ATAD2: variants seen among roughly 807,000 people sequenced by gnomAD.
ATAD2 encodes the protein ATPase family AAA domain containing 2.
A neutral mutation model predicts 168.9 loss-of-function variants in ATAD2; 62 were observed. That is an observed-to-expected ratio of 0.37 (90% CI 0.30 to 0.45). The LOEUF (loss-of-function observed/expected upper bound fraction) is 0.45, where lower values mean the gene tolerates loss of function less well. ATAD2 is among the 20% of genes least tolerant of loss of function. ATAD2 has a pLI of 1.00. For synonymous variants in ATAD2, 613 were observed against 571.6 expected (o/e 1.07, Z -1.03); for missense variants, 1,419 against 1,667.8 (o/e 0.85, Z 2.60).
chr8:123,400,477 C>T (rs561284958), upstream of ATAD2: 17 of 371,536 alleles, frequency 4.6e-5, no homozygotes, highest in Middle Eastern at 9.8e-4. The surrounding 1 kb of genome is among the most constrained non-coding windows in gnomAD (Gnocchi z 4.5). Context: ...CCAAACCATT[C>T]GGGGGAACAT....
At chr8:123,383,211 AGGAG>A (rs1829542161) in intron 1 of ATAD2, among the ~76,000 whole-genome samples, 1 of 152,142 alleles carries the variant, frequency 6.6e-6, no homozygotes, top group South Asian at 2.1e-4. Context: ...GGGGGGCATG[AGGAG>A]GGATAGCATT....
At chr8:123,359,864 G>C (rs1309657853) in intron 9 of ATAD2, among the ~76,000 whole-genome samples, 179 bp from the exon 10 acceptor site, 2 of 151,956 alleles carry the variant, frequency 1.3e-5, no homozygotes, top group Non-Finnish European at 2.9e-5. Context: ...TTAAGTGTTA[G>C]AAATATTTAT....
At chr8:123,384,721 AT>A (rs1329104396) in intron 1 of ATAD2, among the ~76,000 whole-genome samples, 4 of 152,262 alleles carry the variant, frequency 2.6e-5, no homozygotes, top group Non-Finnish European at 5.9e-5. Context: ...AACTTCAACC[AT>A]GTGAGATCTC....
chr8:123,321,043 G>T lies in ATAD2; in HGVS notation c.*91C>A. The T allele has an allele frequency of 9.3e-7, 1 of 1,070,794 alleles. No homozygotes were observed. The highest frequency in any genetic ancestry group is 1.4e-6 in the Non-Finnish European group (1 of 719,920). 66.3% of individuals were successfully genotyped at this position (1,070,794 alleles called of 1,614,324 possible). Reference sequence around the variant, plus strand: ...CTATTTTAATCTTTTCCTTAAAGATGCAGGGTTTCATACTACATCAATTAG... The same window carrying T: ...CTATTTTAATCTTTTCCTTAAAGATTCAGGGTTTCATACTACATCAATTAG... On this transcript the variant is annotated 3_prime_UTR_variant, in exon 28 of 28. Transcript: ENST00000287394.
At chr8:123,327,129 G>A (rs544302291) in intron 25 of ATAD2, among the ~76,000 whole-genome samples, 7 of 152,114 alleles carry the variant, frequency 4.6e-5, no homozygotes, top group African/African-American at 1.2e-4. Flanking sequence ...GGCTGGTCTC[G>A]AACTCCTGAC....
intron 22 of ATAD2, 43 bp downstream of exon 22, chr8:123,336,330 C>A (rs2131298739): frequency 1.3e-6 from 2 of 1,507,522 alleles, no homozygotes; most frequent in Non-Finnish European, 1.8e-6. Context: ...GTGTTAGCTG[C>A]CCCCCAACTC....
chr8:123,399,292 G>A (rs1812967566), upstream of ATAD2, among the ~76,000 whole-genome samples: 1 of 151,764 alleles, frequency 6.6e-6, no homozygotes. Context: ...ACTATATACT[G>A]TATATACCAT....
intron 2 of ATAD2, among the ~76,000 whole-genome samples, chr8:123,376,177 G>T (rs187259919): frequency 1.3e-5 from 2 of 151,168 alleles, no homozygotes; most frequent in African/African-American, 4.9e-5. Flanking sequence ...AGGCCTAGAC[G>T]GGCAGATTGC....
chr8:123,397,275 CA>C (rs1028562527), upstream of ATAD2, among the ~76,000 whole-genome samples: 1 of 136,442 alleles, frequency 7.3e-6, no homozygotes, highest in Non-Finnish European at 1.6e-5. Context: ...GAACCTGTTT[CA>C]AAAAAAAGAG....
intron 1 of ATAD2, among the ~76,000 whole-genome samples, chr8:123,403,283 G>A (rs2130023835): frequency 6.6e-6 from 1 of 152,074 alleles, no homozygotes; most frequent in South Asian, 2.1e-4. Context: ...TATTTTTCGT[G>A]GAGACGGGGT....
intron 6 of ATAD2, among the ~76,000 whole-genome samples, chr8:123,370,371 T>A (rs1379727587): frequency 6.6e-6 from 1 of 152,120 alleles, no homozygotes; most frequent in Non-Finnish European, 1.5e-5. Flanking sequence ...CAAGTTAACA[T>A]AACTTTTTGA....
At chr8:123,387,594 C>A (rs1169777282) in intron 1 of ATAD2, among the ~76,000 whole-genome samples, 1 of 152,144 alleles carries the variant, frequency 6.6e-6, no homozygotes, top group Non-Finnish European at 1.5e-5. Context: ...GTAATATTCT[C>A]ATTTATTCTT....
At chr8:123,376,349 T>G (rs1829307850) in intron 2 of ATAD2, among the ~76,000 whole-genome samples, 1 of 151,742 alleles carries the variant, frequency 6.6e-6, no homozygotes, top group African/African-American at 2.4e-5. Context: ...GAGGTTGCAG[T>G]GAGCCGAGAT....
chr8:123,360,532 G>A lies in ATAD2; in HGVS notation c.1158-847C>T, dbSNP rs537273307. On this transcript the variant is annotated intron_variant, in intron 9 of 27. Coordinates refer to ENST00000287394, the MANE Select transcript of ATAD2 (RefSeq NM_014109.4). ...TAATTTTTGTACTTTTAGTCGAGAC[G>A]GGGTTTCACCATGCTGGACAGGCTG... Among the ~76,000 whole-genome samples the A allele has an allele frequency of 4.6e-5, 7 of 152,088 alleles. No homozygotes were observed. The South Asian group carries it at 6.2e-4, about 14-fold the overall frequency.
At chr8:123,364,735 A>G (rs1828920116) in intron 8 of ATAD2, among the ~76,000 whole-genome samples, 1 of 152,170 alleles carries the variant, frequency 6.6e-6, no homozygotes, top group Non-Finnish European at 1.5e-5. Flanking sequence ...TCCCTTTATG[A>G]TTAAAGCTCT....
intron 1 of ATAD2, among the ~76,000 whole-genome samples, chr8:123,386,913 CAA>C (rs34555745): frequency 1.9e-4 from 17 of 90,414 alleles, no homozygotes; most frequent in Admixed American, 3.5e-4. Context: ...ACAATGTGGG[CAA>C]AAAAAAAAAA....
At chr8:123,369,253 CTCT>C in intron 7 of ATAD2, 78 bp from the exon 8 acceptor site, 1 of 510,760 alleles carries the variant, frequency 2.0e-6, no homozygotes, top group East Asian at 7.0e-5. Context: ...GATAATTTTG[CTCT>C]TCATCTAAAT....
intron 1 of ATAD2, among the ~76,000 whole-genome samples, chr8:123,406,382 CA>C (rs34085644): frequency 3.3e-3 from 299 of 90,804 alleles, no homozygotes; most frequent in Non-Finnish European, 4.8e-3. Flanking sequence ...ACTGTCTCAC[CA>C]AAAAAAAAAA....
intron 2 of ATAD2, among the ~76,000 whole-genome samples, chr8:123,378,572 C>G (rs1231894239): frequency 1.3e-5 from 2 of 151,542 alleles, no homozygotes; most frequent in Non-Finnish European, 2.9e-5. Flanking sequence ...CATGGTGGTG[C>G]GTGCCTGTAA....
Sources: gnomAD v4.1 joint callset for allele counts (sites outside exome capture counted in the v4.1 genomes callset) on GRCh38, gnomAD v4.1.1 for gene constraint, Gnocchi (gnomAD v3.1) non-coding constraint, MANE v1.5 for transcripts, NCBI Gene and HGNC (gene_info 2026-07-23, HGNC 2026-07-21) for gene names.